ZNF787: variants seen among roughly 807,000 people sequenced by gnomAD.
ZNF787 encodes TTF-I-interacting peptide 20.
A neutral mutation model predicts 16.9 loss-of-function variants in ZNF787; 7 were observed. The ratio of observed to expected loss-of-function variants is 0.42; its 90% CI spans 0.24 to 0.78. The LOEUF is 0.78. Ranked by LOEUF, ZNF787 falls within the 30% of genes least tolerant of loss-of-function variation. The pLI is 0.30. For missense variants in ZNF787, 551 were observed against 589.3 expected, an observed-to-expected ratio of 0.94 and a Z score of 0.67; for synonymous variants, 345 against 270.9, an observed-to-expected ratio of 1.27 and a Z score of -2.69.
chr19:56,091,998 A>AG (rs1285520434), intron 2 of ZNF787, among the ~76,000 whole-genome samples: 1 of 147,416 alleles, frequency 6.8e-6, no homozygotes, highest in African/African-American at 2.6e-5. Flanking sequence ...CCGAAGCCAA[A>AG]CGGAAGCCAA....
intron 2 of ZNF787, among the ~76,000 whole-genome samples, chr19:56,094,831 C>T (rs1228429312): frequency 6.6e-6 from 1 of 152,134 alleles, no homozygotes; most frequent in Admixed American, 6.5e-5. Context: ...TCATAAGGGA[C>T]CAGGCTCAGT....
intron 2 of ZNF787, 32 bp downstream of exon 2, chr19:56,103,107 G>A (rs747944867): frequency 1.3e-5 from 21 of 1,609,348 alleles, no homozygotes; most frequent in African/African-American, 5.3e-5. Flanking sequence ...GGGAGGCAGC[G>A]GGGTCGGCTG....
In ZNF787 at chr19:56,088,089, C is replaced by G; in HGVS notation, c.1083G>C (p.Glu361Asp). ...CCGCGGCCTCGTCGTCGTCGTCCTC[C>G]TCCTCCCCGCCCGCGCGGTAGTAGC... ...GQSYYRAGGE[E>D]EDDDDEAAGG... The change falls in exon 3 of 3, where the codon GAG (glutamate) becomes GAC (aspartate). Residue 361 changes from glutamate to aspartate, a missense_variant. Glu to Asp is a conservative substitution (Grantham distance 45). Around this residue, in one of 4 missense-constraint regions of ZNF787, gnomAD observed 392 missense variants for 312.7 expected, o/e 1.25. Coordinates refer to ENST00000610935, the MANE Select transcript of ZNF787 (RefSeq NM_001002836.4). This position sits in a 1 kb window ranked among gnomAD's most constrained non-coding sequence, Gnocchi z 8.6. 1.3e-6 allele frequency: 2 copies of G among 1,510,110 alleles called. No homozygotes were observed. Among genetic ancestry groups the G allele is most frequent in the Admixed American group, 4.2e-5 (2 of 47,492 alleles). 93.5% of individuals were successfully genotyped at this position (1,510,110 alleles called of 1,614,324 possible).
chr19:56,105,005 G>A (rs1469628566), intron 1 of ZNF787, among the ~76,000 whole-genome samples: 2 of 152,110 alleles, frequency 1.3e-5, no homozygotes, highest in African/African-American at 2.4e-5. Flanking sequence ...GCAGGGGCCT[G>A]TAATCCCAGC....
At chr19:56,091,128 AT>A (rs1985557925) in intron 2 of ZNF787, among the ~76,000 whole-genome samples, 1 of 152,252 alleles carries the variant, frequency 6.6e-6, no homozygotes, top group African/African-American at 2.4e-5. Flanking sequence ...TGTAGAGAGA[AT>A]TAAAAACAAA....
At chr19:56,111,285 C>T (rs1327571012) in intron 1 of ZNF787, among the ~76,000 whole-genome samples, 2 of 152,014 alleles carry the variant, frequency 1.3e-5, no homozygotes, top group Non-Finnish European at 2.9e-5. Flanking sequence ...GGACCTGGGG[C>T]AAGGCCTGGG....
chr19:56,103,720 C>T (rs1439799673), intron 1 of ZNF787, among the ~76,000 whole-genome samples: 2 of 152,304 alleles, frequency 1.3e-5, no homozygotes, highest in African/African-American at 2.4e-5. Context: ...TCTCTGCACA[C>T]GACACTCCCA....
rs1985377616 is a variant in ZNF787 at position 56,088,002 on chromosome 19, C to CG, written c.*20_*21insC. The CG allele has an allele frequency of 2.6e-4, 12 of 45,538 alleles. No homozygotes were observed. Among genetic ancestry groups the CG allele is most frequent in the Non-Finnish European group, 4.2e-4 (10 of 23,934 alleles). The allele number at this position is 45,538 out of a possible 1,614,324, so 2.8% of individuals were successfully genotyped here. On this transcript the variant is annotated 3_prime_UTR_variant, in exon 3 of 3. Transcript: ENST00000610935. The surrounding 1 kb of genome is among the most constrained non-coding windows in gnomAD (Gnocchi z 8.6). ...GCCAAGCCCGAGGGGCCCTGCCCGC[C>CG]CCCCCCCCCGGGCCCCTCCCCTACC...
At chr19:56,114,199 G>A (rs989680115) in intron 1 of ZNF787, among the ~76,000 whole-genome samples, 4 of 152,278 alleles carry the variant, frequency 2.6e-5, no homozygotes, top group African/African-American at 7.2e-5. Flanking sequence ...CAGCTGGCCC[G>A]GATCTCGCTG....
intron 1 of ZNF787, among the ~76,000 whole-genome samples, chr19:56,117,190 T>G (rs1372847646): frequency 6.6e-6 from 1 of 152,218 alleles, no homozygotes; most frequent in African/African-American, 2.4e-5. Context: ...ATCACTGTGG[T>G]CCTTGTTGTA....
At chr19:56,113,956 A>T (rs1042085699) in intron 1 of ZNF787, among the ~76,000 whole-genome samples, 24 of 152,142 alleles carry the variant, frequency 1.6e-4, no homozygotes, top group African/African-American at 5.8e-4. Flanking sequence ...CTGCCTCCCG[A>T]GTAGCTGGGA....
At position 56,087,864 on chromosome 19, in the gene ZNF787, CCCCCACGGACG is replaced by C. The variant is rs1985354153; in HGVS notation, c.*148_*158del. ...ACGGGCCCTAATACGCCCCAGTGCC[CCCCCACGGACG>C]GCGCAGGGACAGAGGAGGGCGGGGA... is the stretch of plus-strand genomic sequence containing the variant. On this transcript the variant is annotated 3_prime_UTR_variant, in exon 3 of 3. Transcript: ENST00000610935. 1 of 1,161,290 alleles carries C rather than the reference CCCCCACGGACG, an allele frequency of 8.6e-7. No homozygotes were observed. Among genetic ancestry groups the C allele is most frequent in the Admixed American group, 4.4e-5 (1 of 22,608 alleles). 71.9% of individuals were successfully genotyped at this position (1,161,290 alleles called of 1,614,324 possible). A position where few individuals can be genotyped will look rare whatever the true frequency, so the allele number is the denominator to read the frequency against.
chr19:56,112,828 C>T (rs913324400), intron 1 of ZNF787, among the ~76,000 whole-genome samples: 1 of 152,036 alleles, frequency 6.6e-6, no homozygotes, highest in African/African-American at 2.4e-5. Context: ...CCCATGTGGC[C>T]CTGCCTTTGT....
chr19:56,108,913 G>A (rs1387103942), intron 1 of ZNF787, among the ~76,000 whole-genome samples: 3 of 152,134 alleles, frequency 2.0e-5, no homozygotes, highest in Non-Finnish European at 2.9e-5. Context: ...GCTACCGACA[G>A]GAAAGCCCAA....
intron 1 of ZNF787, chr19:56,105,356 G>C (rs544103783): frequency 1.1e-4 from 16 of 152,166 alleles, no homozygotes; most frequent in African/African-American, 3.9e-4. Context: ...GAAACTCCAC[G>C]GGGAGGACAC....
At chr19:56,108,279 C>T (rs2029886963) in intron 1 of ZNF787, among the ~76,000 whole-genome samples, 1 of 147,908 alleles carries the variant, frequency 6.8e-6, no homozygotes, top group East Asian at 2.0e-4. Context: ...GCTCCCTCCA[C>T]CCCGCCCCTG....
intron 1 of ZNF787, 46 bp downstream of exon 1, chr19:56,121,126 G>T (rs1237044995): frequency 2.1e-5 from 2 of 97,468 alleles, no homozygotes; most frequent in African/African-American, 8.0e-5. Flanking sequence ...CCCGAAGCGC[G>T]CGCCCACCTG....
At chr19:56,112,127 G>C (rs868109614) in intron 1 of ZNF787, among the ~76,000 whole-genome samples, 1 of 152,134 alleles carries the variant, frequency 6.6e-6, no homozygotes, top group South Asian at 2.1e-4. Flanking sequence ...TGGGAGAGGC[G>C]GGGGCACCAG....
intron 1 of ZNF787, among the ~76,000 whole-genome samples, chr19:56,117,192 CTTG>C (rs759695374): frequency 1.1e-4 from 17 of 152,232 alleles, no homozygotes; most frequent in African/African-American, 4.1e-4. Context: ...CACTGTGGTC[CTTG>C]TTGTATAGAC....
Sources: gnomAD v4.1 joint callset for allele counts (sites outside exome capture counted in the v4.1 genomes callset) on GRCh38, gnomAD v4.1.1 for gene constraint, gnomAD v4.1.1 regional missense constraint, Gnocchi (gnomAD v3.1) non-coding constraint, MANE v1.5 for transcripts, NCBI Gene and HGNC (gene_info 2026-07-23, HGNC 2026-07-21) for gene names.